PODXL: variants seen among roughly 807,000 people sequenced by gnomAD.
PODXL encodes the protein podocalyxin.
PODXL carries 20 observed loss-of-function variants against 48.9 expected under a neutral mutation model. That is an observed-to-expected ratio of 0.41 (90% CI 0.29 to 0.59). PODXL has a LOEUF of 0.59. Ranked by LOEUF, PODXL falls within the 20% of genes least tolerant of loss-of-function variation. The pLI is 0.31. For missense variants in PODXL, 606 were observed against 675.1 expected (o/e 0.90, Z 1.13); for synonymous variants, 295 against 287.4 (o/e 1.03, Z -0.27).
At chr7:131,553,963 C>T (rs777467490) in intron 1 of PODXL, among the ~76,000 whole-genome samples, 27 of 152,182 alleles carry the variant, frequency 1.8e-4, no homozygotes, top group Non-Finnish European at 3.4e-4. Context: ...TGAATGCTTT[C>T]TTTGCTGTAG....
intron 5 of PODXL, among the ~76,000 whole-genome samples, chr7:131,508,462 T>TC (rs1190905439): frequency 1.3e-5 from 2 of 152,134 alleles, no homozygotes; most frequent in Non-Finnish European, 2.9e-5. Context: ...TTCCTATGTT[T>TC]CCCAGGCTGG....
chr7:131,518,096 A>C (rs549377032), intron 1 of PODXL, among the ~76,000 whole-genome samples: 3 of 152,276 alleles, frequency 2.0e-5, no homozygotes, highest in Admixed American at 1.3e-4. Flanking sequence ...TCCCTAATCC[A>C]GTATGACTTC....
At position 131,556,337 on chromosome 7, in the gene PODXL, G is replaced by A. The variant is rs1342084354; in HGVS notation, c.23C>T (p.Ser8Leu). The change falls in exon 1 of 9, where the codon TCG becomes TTG. Residue 8 changes from serine (S) to leucine (L), a missense_variant. By Grantham distance (145) the Ser-to-Leu change is moderately radical. Transcript: ENST00000378555. The part of the protein sequence containing the change: MRCALAL[S>L]ALLLLLSTPP... Reference sequence around the variant, plus strand: ...CGTTGACAACAGTAGCAGCAGCGCCGAGAGCGCCAGCGCGCAGCGCATCGT... The same window carrying A: ...CGTTGACAACAGTAGCAGCAGCGCCAAGAGCGCCAGCGCGCAGCGCATCGT... The A allele has an allele frequency of 2.0e-6, 3 of 1,470,728 alleles. No homozygotes were observed. The highest frequency in any genetic ancestry group is 9.0e-7 in the Non-Finnish European group (1 of 1,112,544). 91.1% of individuals were successfully genotyped at this position (1,470,728 alleles called of 1,614,324 possible).
Position 131,510,933 on chromosome 7 carries a change from G to C in PODXL, c.601C>G (p.Pro201Ala). 6.2e-7 allele frequency: 1 copy of C among 1,614,120 alleles called. No individual in the cohort carries two copies. The highest frequency in any genetic ancestry group is 8.5e-7 in the Non-Finnish European group (1 of 1,180,014). ...AGATGGTCATGTCCCGAGCTTGTTG[G>C]GGTGGCCACAGGATGCGTCGAAGTG... ...QPTSTHPVAT[P>A]TSSGHDHLMK... The change falls in exon 2 of 9, where the codon CCA becomes GCA. Residue 201 changes from proline (P) to alanine (A), a missense_variant. Transcript: ENST00000378555.
At chr7:131,515,584 G>A (rs1055487472) in intron 1 of PODXL, among the ~76,000 whole-genome samples, 2 of 152,090 alleles carry the variant, frequency 1.3e-5, no homozygotes, top group Admixed American at 6.5e-5. Context: ...TGTATTTTTA[G>A]TAGAAATGGG....
chr7:131,531,657 G>A (rs182567769), intron 1 of PODXL, among the ~76,000 whole-genome samples: 18 of 152,298 alleles, frequency 1.2e-4, no homozygotes, highest in Admixed American at 4.6e-4. Context: ...GCAGTATCCC[G>A]CCAACCTCTG....
intron 1 of PODXL, among the ~76,000 whole-genome samples, chr7:131,546,141 C>T (rs181798066): frequency 2.0e-5 from 3 of 152,214 alleles, no homozygotes; most frequent in African/African-American, 7.2e-5. Flanking sequence ...GAAAGATCAA[C>T]ATCGTGTCAC....
intron 1 of PODXL, among the ~76,000 whole-genome samples, chr7:131,545,602 C>T (rs924130638): frequency 2.0e-5 from 3 of 152,016 alleles, no homozygotes; most frequent in African/African-American, 2.4e-5. Context: ...CTGTTCCTCT[C>T]GATGTTCTAC....
chr7:131,515,901 C>T (rs575648094), intron 1 of PODXL, among the ~76,000 whole-genome samples: 73 of 152,134 alleles, frequency 4.8e-4, no homozygotes, highest in Non-Finnish European at 9.0e-4. Context: ...TTCTTCATAC[C>T]TATAACAACA....
Position 131,500,907 on chromosome 7 carries a change from C to T in PODXL, c.*3404G>A, listed in dbSNP as rs1797689757. 6.6e-6 allele frequency: 1 copy of T among 152,052 alleles called. No homozygotes were observed. The highest frequency in any genetic ancestry group is 2.1e-4 in the South Asian group (1 of 4,814). The allele number at this position is 152,052 out of a possible 1,614,324, so 9.4% of individuals were successfully genotyped here. On this transcript the variant is annotated 3_prime_UTR_variant, in exon 9 of 9. Transcript: ENST00000378555. Reference sequence around the variant, plus strand: ...TTTTAATCTTGTTTCTGTCCTGAACCATGTGATTTTGAGGAAGTCACTTCA... The same window carrying T: ...TTTTAATCTTGTTTCTGTCCTGAACTATGTGATTTTGAGGAAGTCACTTCA...
At position 131,509,493 on chromosome 7, in the gene PODXL, T is replaced by A. The variant is rs755166626; in HGVS notation, c.895A>T (p.Thr299Ser). 3 of 1,613,576 alleles carry A rather than the reference T, an allele frequency of 1.9e-6. No homozygotes were observed. In the Admixed American group the frequency reaches 5.0e-5, roughly 27 times the overall value. Residue 299 changes from threonine (T) to serine (S), a missense_variant, in exon 4 of 9, where the codon ACG (threonine) becomes TCG (serine). Coordinates refer to ENST00000378555, the MANE Select transcript of PODXL (RefSeq NM_001018111.3). ...GTTCTCAATGCCGTTGCCGGGCTCG[T>A]GGGCTGCACTGTCTCCTGGGAGGAA... ...APSSQETVQP[T>S]SPATALRTPT...
At chr7:131,533,850 A>G (rs1038393213) in intron 1 of PODXL, among the ~76,000 whole-genome samples, 1 of 152,204 alleles carries the variant, frequency 6.6e-6, no homozygotes, top group African/African-American at 2.4e-5. Flanking sequence ...CTGTATAACC[A>G]GGCAAGAGTC....
chr7:131,503,414 G>C lies in PODXL; in HGVS notation c.*897C>G, dbSNP rs763856930. Reference sequence around the variant, plus strand: ...GGAAGCCCAAAGAAGATCGTGGGTGGCCTCTGCAAGGAGTGCCAGGGGCAA... The same window carrying C: ...GGAAGCCCAAAGAAGATCGTGGGTGCCCTCTGCAAGGAGTGCCAGGGGCAA... On this transcript the variant is annotated 3_prime_UTR_variant, in exon 9 of 9. Coordinates refer to ENST00000378555, the MANE Select transcript of PODXL (RefSeq NM_001018111.3). The C allele has an allele frequency of 2.0e-5, 3 of 152,264 alleles. No individual in the cohort carries two copies. The highest frequency in any genetic ancestry group is 4.4e-5 in the Non-Finnish European group (3 of 68,096). The allele number at this position is 152,264 out of a possible 1,614,324, so 9.4% of individuals were successfully genotyped here.
At chr7:131,509,707 A>G in intron 3 of PODXL, 122 bp from the exon 4 acceptor site, 1 of 611,394 alleles carries the variant, frequency 1.6e-6, no homozygotes, top group Non-Finnish European at 2.7e-6. Context: ...CAGAGACGGA[A>G]GAAGTGGACT....
chr7:131,545,434 T>C (rs1326713451), intron 1 of PODXL, among the ~76,000 whole-genome samples: 1 of 152,256 alleles, frequency 6.6e-6, no homozygotes, highest in Non-Finnish European at 1.5e-5. Flanking sequence ...TGGGTTTTAG[T>C]ACTCTAAGTC....
chr7:131,531,704 C>T (rs1479395461), intron 1 of PODXL, among the ~76,000 whole-genome samples: 2 of 152,206 alleles, frequency 1.3e-5, no homozygotes, highest in Non-Finnish European at 2.9e-5. Context: ...CTATGTGCCT[C>T]TTATGAGGAC....
rs375173959 is a variant in PODXL at position 131,511,394 on chromosome 7, G to A, written c.140C>T (p.Pro47Leu). ...GATGGTGACACTGGATGCTGGAGTC[G>A]GTGCTGTTTTGTTAGATGAGTCCGT... ...TTTDSSNKTA[P>L]TPASSVTIMA... Residue 47 changes from proline to leucine, a missense_variant, in exon 2 of 9, where the codon CCG becomes CTG. Coordinates refer to ENST00000378555, the MANE Select transcript of PODXL (RefSeq NM_001018111.3). The A allele has an allele frequency of 1.3e-5, 21 of 1,603,770 alleles. No homozygotes were observed. The highest frequency in any genetic ancestry group is 1.1e-4 in the East Asian group (5 of 44,878).
chr7:131,548,199 C>T (rs946346372), intron 1 of PODXL, among the ~76,000 whole-genome samples: 6 of 152,222 alleles, frequency 3.9e-5, no homozygotes, highest in Non-Finnish European at 8.8e-5. Context: ...GAGCTGTGTG[C>T]AGAGGCGAAG....
At chr7:131,526,441 T>C (rs1584820194) in intron 1 of PODXL, among the ~76,000 whole-genome samples, 1 of 151,584 alleles carries the variant, frequency 6.6e-6, no homozygotes, top group East Asian at 1.9e-4. Flanking sequence ...ATTGTAGGTA[T>C]GCCCCCAAAA....
Sources: allele counts gnomAD v4.1 joint callset (sites outside exome capture counted in the v4.1 genomes callset), GRCh38; gene constraint gnomAD v4.1.1; transcripts MANE v1.5; gene names NCBI Gene and HGNC (gene_info 2026-07-23, HGNC 2026-07-21).